Variants in MSL3 observed in about 807,000 individuals in gnomAD.
MSL3 encodes the protein MSL complex subunit 3, also known as MSL3-like 1.
Under a neutral mutation model 37.2 loss-of-function variants are expected in MSL3, and 5 were observed. The ratio of observed to expected loss-of-function variants is 0.13; its 90% CI spans 0.07 to 0.28. The LOEUF is 0.28. MSL3 is among the 10% of genes least tolerant of loss of function. The pLI, the probability that MSL3 is intolerant of heterozygous loss-of-function variation, is 1.00. For synonymous variants in MSL3, 149 were observed against 147.6 expected (o/e 1.01, Z -0.07); for missense variants, 315 against 408.5 (o/e 0.77, Z 1.97).
At chrX:11,770,082 T>C (rs921080334) in intron 10 of MSL3, among the ~76,000 whole-genome samples, 5 of 113,109 alleles carry the variant, frequency 4.4e-5, no homozygotes, top group African/African-American at 1.6e-4. Flanking sequence ...GGTGTGGCTC[T>C]GTGTGCTGCC....
chrX:11,766,721 T>C (rs1601770573), intron 9 of MSL3: 2 of 754,443 alleles, frequency 2.7e-6, no homozygotes, highest in African/African-American at 4.6e-5. Context: ...CCCGGCACAC[T>C]GTGTGGAGGT....
At chrX:11,768,968 G>C in intron 10 of MSL3, 1 of 239,127 alleles carries the variant, frequency 4.2e-6, no homozygotes. Context: ...CAGAGGGCCA[G>C]AGGGTAAATA....
intron 2 of MSL3, chrX:11,760,143 C>T: frequency 2.7e-6 from 1 of 375,396 alleles, no homozygotes; most frequent in Non-Finnish European, 4.5e-6. Context: ...ACTTTGTTAC[C>T]AGAACTTGCC....
Position 11,758,354 on chromosome X carries a change from T to C in MSL3, c.91T>C (p.Tyr31His). The C allele has an allele frequency of 8.9e-7, 1 of 1,123,468 alleles. No homozygotes were observed. The highest frequency in any genetic ancestry group is 1.2e-6 in the Non-Finnish European group (1 of 849,264). The allele number at this position is 1,123,468 out of a possible 1,213,427, so 92.6% of individuals were successfully genotyped here. ...EPDPTKARVL[Y>H]DAKIVDVIVG... Reference sequence around the variant, plus strand: ...TGACCCCACCAAGGCGCGAGTGCTGTACGATGCCAAGGTGCCGCCGCGGAG... The same window carrying C: ...TGACCCCACCAAGGCGCGAGTGCTGCACGATGCCAAGGTGCCGCCGCGGAG... Residue 31 changes from tyrosine (Y) to histidine (H), a missense_variant, in exon 1 of 13, where the codon TAC (tyrosine) becomes CAC (histidine). Coordinates refer to ENST00000312196, the MANE Select transcript of MSL3 (RefSeq NM_078629.4).
At chrX:11,772,995 A>G (rs906497953) in intron 12 of MSL3, among the ~76,000 whole-genome samples, 1 of 112,211 alleles carries the variant, frequency 8.9e-6, no homozygotes, top group Non-Finnish European at 1.9e-5. Context: ...TAGAAAATAA[A>G]TTTTCTAAAG....
chrX:11,759,167 G>A (rs934409192), intron 1 of MSL3, among the ~76,000 whole-genome samples: 2 of 112,107 alleles, frequency 1.8e-5, no homozygotes, highest in African/African-American at 6.5e-5. Context: ...TAGGCGGCAG[G>A]GACAGGGGCA....
chrX:11,774,570 G>A (rs1398012855), intron 12 of MSL3, among the ~76,000 whole-genome samples: 4 of 111,965 alleles, frequency 3.6e-5, no homozygotes, highest in Non-Finnish European at 7.5e-5. Flanking sequence ...CACCTGCCTC[G>A]GCCTCCCAAA....
intron 9 of MSL3, chrX:11,767,163 G>C (rs2053191309): frequency 2.7e-6 from 2 of 753,009 alleles, no homozygotes; most frequent in Non-Finnish European, 3.1e-6. Flanking sequence ...TGGTGGCATA[G>C]TTCCAGGTGC....
At chrX:11,760,004 A>G in intron 2 of MSL3, 129 bp downstream of exon 2, 1 of 765,994 alleles carries the variant, frequency 1.3e-6, no homozygotes, top group Non-Finnish European at 1.8e-6. Context: ...GTAGCATTGC[A>G]AACTTCTTTA....
Position 11,768,690 on chromosome X carries a change from A to C in MSL3, c.1281+8A>C. ...ACTAATGAAATAAACGAGGTAAAGA[A>C]TGTTTGATGTTTGTTCCCAATGGTT... On this transcript the variant is annotated splice_region_variant and intron_variant, in intron 10 of 12. Transcript: ENST00000312196. 1.9e-6 allele frequency: 2 copies of C among 1,074,163 alleles called. No homozygotes were observed. Among genetic ancestry groups the C allele is most frequent in the Non-Finnish European group, 2.6e-6 (2 of 770,754 alleles). 88.5% of individuals were successfully genotyped at this position (1,074,163 alleles called of 1,213,427 possible).
intron 9 of MSL3, chrX:11,767,300 A>G: frequency 5.4e-6 from 4 of 742,809 alleles, no homozygotes; most frequent in Non-Finnish European, 6.4e-6. Context: ...CTTTTTTAAA[A>G]CAGCTTGATT....
chrX:11,765,381 TAG>T (rs1157986141), intron 8 of MSL3, 84 bp from the exon 9 acceptor site: 6 of 1,064,945 alleles, frequency 5.6e-6, no homozygotes, highest in African/African-American at 1.9e-5. Flanking sequence ...CCTCCTGGAG[TAG>T]AGAGAGCATT....
At chrX:11,758,508 C>G in intron 1 of MSL3, 143 bp downstream of exon 1, 1 of 1,026,227 alleles carries the variant, frequency 9.7e-7, no homozygotes, top group Admixed American at 4.9e-5. Context: ...GCAGGGGGCG[C>G]TCACAGGGCG....
chrX:11,774,961 G>A lies in MSL3; in HGVS notation c.1467-19G>A, dbSNP rs1311374617. The A allele has an allele frequency of 1.0e-5, 12 of 1,151,153 alleles. No individual in the cohort carries two copies. The Admixed American group carries it at 2.5e-4, about 24-fold the overall frequency. The allele number at this position is 1,151,153 out of a possible 1,213,427, so 94.9% of individuals were successfully genotyped here. A position where few individuals can be genotyped will look rare whatever the true frequency, so the allele number is the denominator to read the frequency against. On this transcript the variant is annotated intron_variant, in intron 12 of 12. Transcript: ENST00000312196. ...TAGTCCTTAGTATGGTGCTCATTGG[G>A]GCTATTTTTTTTTTCCAGGTTTTTA...
chrX:11,761,014 G>C (rs1381870223), intron 4 of MSL3, 77 bp downstream of exon 4: 12 of 748,895 alleles, frequency 1.6e-5, no homozygotes, highest in Non-Finnish European at 2.3e-5. Context: ...TGAAATTCTA[G>C]ACAGGGAAAC....
intron 11 of MSL3, 137 bp downstream of exon 11, chrX:11,772,392 T>A: frequency 1.9e-6 from 1 of 528,543 alleles, no homozygotes; most frequent in Non-Finnish European, 3.1e-6. Flanking sequence ...AAGTAATCTA[T>A]CAAAGAAAAG....
At chrX:11,760,322 C>T in intron 2 of MSL3, 81 bp from the exon 3 acceptor site, 1 of 598,614 alleles carries the variant, frequency 1.7e-6, no homozygotes, top group Non-Finnish European at 2.6e-6. Context: ...AATTCTGGGG[C>T]ATTTCTATTG....
At position 11,763,958 on chromosome X, in the gene MSL3, C is replaced by T; in HGVS notation, c.908+20C>T. ...TAACAGGTAAGTTATATAGCCTGCACTTTCACCCTCACATGTCAGCAGTAC... is the reference window on the plus strand; with the variant it reads ...TAACAGGTAAGTTATATAGCCTGCATTTTCACCCTCACATGTCAGCAGTAC... On this transcript the variant is annotated intron_variant, in intron 8 of 12. Transcript: ENST00000312196. The T allele has an allele frequency of 8.5e-7, 1 of 1,175,579 alleles. No individual in the cohort carries two copies. The highest frequency in any genetic ancestry group is 1.1e-6 in the Non-Finnish European group (1 of 869,926).
chrX:11,765,678 C>A lies in MSL3; in HGVS notation c.1120C>A (p.Gln374Lys). The A allele has an allele frequency of 8.2e-7, 1 of 1,212,236 alleles. No individual in the cohort carries two copies. Among genetic ancestry groups the A allele is most frequent in the Non-Finnish European group, 1.1e-6 (1 of 895,581 alleles). Residue 374 changes from glutamine to lysine, a missense_variant, in exon 9 of 13, where the codon CAG (glutamine) becomes AAG (lysine). By Grantham distance (53) the Gln-to-Lys change is moderately conservative (BLOSUM62 1). Transcript: ENST00000312196. ...SSASPQPKRRQQDTSASMPKL... is the reference protein window; with the variant it reads ...SSASPQPKRRKQDTSASMPKL... The stretch of plus-strand genomic sequence containing the variant: ...CGCTTCACCTCAGCCCAAGCGCCGG[C>A]AGCAGGACACATCCGCCAGCATGCC...
Sources: gnomAD v4.1 joint callset for allele counts (sites outside exome capture counted in the v4.1 genomes callset) on GRCh38, gnomAD v4.1.1 for gene constraint, MANE v1.5 for transcripts, NCBI Gene and HGNC (gene_info 2026-07-23, HGNC 2026-07-21) for gene names.